Variants in C4orf50 observed in about 807,000 individuals in gnomAD.
C4orf50 encodes the protein uncharacterized protein C4orf50.
A neutral mutation model predicts 77.2 loss-of-function variants in C4orf50; 80 were observed. The observed-to-expected ratio is 1.04, with a 90% CI of 0.87 to 1.25. The LOEUF (loss-of-function observed/expected upper bound fraction) is 1.25. Ranked by LOEUF, C4orf50 falls within the 50% of genes most tolerant of loss-of-function variation. The pLI is 0.00. For missense variants in C4orf50, 1,257 were observed against 1,152.9 expected (o/e 1.09, Z -1.31); for synonymous variants, 532 against 465.3 (o/e 1.14, Z -1.84).
At chr4:5,995,669 G>A (rs1168000788) in intron 25 of C4orf50, among the ~76,000 whole-genome samples, 1 of 152,208 alleles carries the variant, frequency 6.6e-6, no homozygotes, top group Admixed American at 6.5e-5. Context: ...CCTTTAGGAA[G>A]AGAACTTGGC....
At chr4:6,004,210 TGG>T (rs1722072426) in intron 25 of C4orf50, among the ~76,000 whole-genome samples, 6 of 65,146 alleles carry the variant, frequency 9.2e-5, no homozygotes, top group Admixed American at 1.9e-4. Flanking sequence ...ATGGTGATGA[TGG>T]TGATGGTGAT....
chr4:5,979,505 G>C (rs185859853), intron 29 of C4orf50, among the ~76,000 whole-genome samples: 87 of 152,360 alleles, frequency 5.7e-4, no homozygotes, highest in African/African-American at 1.9e-3. Flanking sequence ...GTGGGTGGTA[G>C]AGTTGAAAAA....
At chr4:5,954,881 A>G (rs568972352), downstream of C4orf50, among the ~76,000 whole-genome samples, 95 of 152,234 alleles carry the variant, frequency 6.2e-4, no homozygotes, top group African/African-American at 2.2e-3. This position sits in a 1 kb window ranked among gnomAD's most constrained non-coding sequence, Gnocchi z 4.7. Context: ...CTGAGAGAAG[A>G]TTCAGCAGCC....
rs1177812904 is a variant in C4orf50 at position 5,932,318 on chromosome 4, A to G, written c.*2474+24583T>C. ...TGAGTAGCGAGGCTGGGCTCCGTAAAGAATCCAGCCATCAAAGAGGGAGGC... is the reference window on the plus strand; with the variant it reads ...TGAGTAGCGAGGCTGGGCTCCGTAAGGAATCCAGCCATCAAAGAGGGAGGC... On this transcript the variant is annotated intron_variant, in intron 7 of 7. Coordinates refer to the C4orf50 transcript ENST00000324058. The surrounding 1 kb of genome is among the most constrained non-coding windows in gnomAD (Gnocchi z 4.2). 6.6e-6 allele frequency among the ~76,000 whole-genome samples: 1 copy of G among 152,222 alleles called. No individual in the cohort carries two copies. Among genetic ancestry groups the G allele is most frequent in the Non-Finnish European group, 1.5e-5 (1 of 68,046 alleles).
At chr4:5,910,638 G>A (rs1716762052) in intron 7 of C4orf50, among the ~76,000 whole-genome samples, 1 of 152,192 alleles carries the variant, frequency 6.6e-6, no homozygotes, top group South Asian at 2.1e-4. Context: ...TGAGCTTGGA[G>A]TGGCCTCCCC....
At chr4:6,010,384 C>G (rs535960239) in intron 24 of C4orf50, among the ~76,000 whole-genome samples, 57 of 152,302 alleles carry the variant, frequency 3.7e-4, no homozygotes, top group African/African-American at 1.3e-3. Context: ...TAATTGGAAT[C>G]CTTATCTTTC....
In C4orf50 at chr4:5,992,808, C is replaced by T; in HGVS notation, c.1216G>A (p.Glu406Lys). ...CAGAAAGCCTCTGGCCTCACCTGTTCACGGTTGGATCCGGCCAGGTCTCTG... is the reference window on the plus strand; with the variant it reads ...CAGAAAGCCTCTGGCCTCACCTGTTTACGGTTGGATCCGGCCAGGTCTCTG... The change falls in exon 27 of 34, where the codon GAA (glutamate) becomes AAA (lysine). Residue 406 changes from glutamate (E) to lysine (K), a missense_variant. Coordinates refer to ENST00000531445, the Ensembl canonical transcript of C4orf50. The surrounding 1 kb of genome is among the most constrained non-coding windows in gnomAD (Gnocchi z 5.0). 1 of 399,152 alleles carries T rather than the reference C, an allele frequency of 2.5e-6. No individual in the cohort carries two copies. The allele number at this position is 399,152 out of a possible 1,614,324, so 24.7% of individuals were successfully genotyped here. A position where few individuals can be genotyped will look rare whatever the true frequency, so the allele number is the denominator to read the frequency against.
rs1258013370 is a variant in C4orf50, at chr4:6,011,557, C to T, written c.426+273G>A. Among the ~76,000 whole-genome samples, 1 of 152,160 alleles carries T rather than the reference C, an allele frequency of 6.6e-6. No homozygotes were observed. Among genetic ancestry groups the T allele is most frequent in the Admixed American group, 6.5e-5 (1 of 15,286 alleles). On this transcript the variant is annotated intron_variant, in intron 24 of 33. Transcript: ENST00000531445. This position sits in a 1 kb window ranked among gnomAD's most constrained non-coding sequence, Gnocchi z 4.2. Reference sequence around the variant, plus strand: ...AGAGCTCCGGACCCCAGGAGCCCTGCATCAGCCAACTCCTGTCCTCAGTCT... The same window carrying T: ...AGAGCTCCGGACCCCAGGAGCCCTGTATCAGCCAACTCCTGTCCTCAGTCT...
At position 5,970,255 on chromosome 4, in the gene C4orf50, G is replaced by T. The variant is rs191701392; in HGVS notation, c.4105-2793C>A. ...CCCTGCTCACTCAAGGCGTCCAGGG[G>T]ACAAGGCGGAATTAAGAACTCTAGA... On this transcript the variant is annotated intron_variant, in intron 31 of 33. Coordinates refer to ENST00000531445, the Ensembl canonical transcript of C4orf50. This position sits in a 1 kb window ranked among gnomAD's most constrained non-coding sequence, Gnocchi z 4.3. Among the ~76,000 whole-genome samples, 1 of 152,078 alleles carries T rather than the reference G, an allele frequency of 6.6e-6. No individual in the cohort carries two copies. The highest frequency in any genetic ancestry group is 6.5e-5 in the Admixed American group (1 of 15,268).
chr4:5,972,039 T>G (rs1327525627), intron 31 of C4orf50, among the ~76,000 whole-genome samples: 93 of 150,486 alleles, frequency 6.2e-4, no homozygotes, highest in Middle Eastern at 3.4e-3. Context: ...ACAGTCTTGC[T>G]CTGTCACCAG....
intron 31 of C4orf50, among the ~76,000 whole-genome samples, chr4:5,967,951 T>C (rs1004667265): frequency 4.6e-5 from 7 of 152,194 alleles, no homozygotes; most frequent in African/African-American, 1.7e-4. Flanking sequence ...ATCACTCAAC[T>C]GGTTGGCCGA....
intron 33 of C4orf50, among the ~76,000 whole-genome samples, chr4:5,960,824 G>A (rs2108763522): frequency 6.6e-6 from 1 of 152,312 alleles, no homozygotes; most frequent in Middle Eastern, 3.4e-3. Context: ...GCTGACTAAT[G>A]TGCGCATCAG....
rs538212728 is a variant in C4orf50 at position 5,922,367 on chromosome 4, CT to C, written c.*2475-24180del. 3.6e-3 allele frequency among the ~76,000 whole-genome samples: 555 copies of C among 152,300 alleles called. 3 individuals carry two copies. The highest frequency in any genetic ancestry group is 0.013 in the African/African-American group (524 of 41,558). ...TCCTACACAATGAAAAACAAATAACCTTGTGGGTCGGGTAACTCATACCTGG... is the reference window on the plus strand; with the variant it reads ...TCCTACACAATGAAAAACAAATAACCTGTGGGTCGGGTAACTCATACCTGG... On this transcript the variant is annotated intron_variant, in intron 7 of 7. Transcript: ENST00000324058.
chr4:5,973,306 A>G (rs905108464), intron 31 of C4orf50, among the ~76,000 whole-genome samples: 13 of 152,218 alleles, frequency 8.5e-5, no homozygotes, highest in African/African-American at 3.1e-4. Flanking sequence ...GGGGTGACCA[A>G]AGCAGCCTGC....
intron 31 of C4orf50, among the ~76,000 whole-genome samples, chr4:5,972,916 A>G (rs1189598297): frequency 6.6e-6 from 1 of 152,216 alleles, no homozygotes; most frequent in Non-Finnish European, 1.5e-5. Flanking sequence ...CCCTGTGTGC[A>G]CTGCCTGTGT....
At chr4:5,978,967 T>C (rs1413220218) in intron 29 of C4orf50, among the ~76,000 whole-genome samples, 1 of 152,186 alleles carries the variant, frequency 6.6e-6, no homozygotes, top group Admixed American at 6.5e-5. Context: ...AAAGAACACA[T>C]GGGAGAAGAG....
intron 7 of C4orf50, among the ~76,000 whole-genome samples, chr4:5,929,591 T>C (rs1054478809): frequency 2.6e-5 from 4 of 152,214 alleles, no homozygotes; most frequent in South Asian, 4.1e-4. Context: ...AAATTTACAA[T>C]TTACTTCTTA....
intron 7 of C4orf50, among the ~76,000 whole-genome samples, chr4:5,942,249 G>T (rs74503193): frequency 0.032 from 4,907 of 152,258 alleles, 269 homozygotes; most frequent in African/African-American, 0.11. Flanking sequence ...CATCCACAGT[G>T]CCAATCTGGT....
intron 33 of C4orf50, among the ~76,000 whole-genome samples, chr4:5,960,576 T>TACA (rs1359375277): frequency 1.3e-5 from 2 of 152,238 alleles, no homozygotes; most frequent in African/African-American, 4.8e-5. Context: ...AAGCCTGACC[T>TACA]TGTCCCTGCC....
Sources: gnomAD v4.1 joint callset for allele counts (sites outside exome capture counted in the v4.1 genomes callset) on GRCh38, gnomAD v4.1.1 for gene constraint, Gnocchi (gnomAD v3.1) non-coding constraint, MANE v1.5 for transcripts, NCBI Gene and HGNC (gene_info 2026-07-23, HGNC 2026-07-21) for gene names.